Variants in LMO7 observed in about 807,000 individuals in gnomAD.
LMO7 encodes LIM domain only protein 7.
In LMO7, 120 loss-of-function variants were observed where a neutral mutation model predicts 206.5. The observed-to-expected ratio is 0.58, with a 90% CI of 0.50 to 0.68. The LOEUF is 0.68. LMO7 is among the 30% of genes least tolerant of loss of function. LMO7 has a pLI of 0.00. For synonymous variants in LMO7, 706 were observed against 681.5 expected (o/e 1.04, Z -0.56); for missense variants, 1,959 against 1,957.9 (o/e 1.00, Z -0.01).
At chr13:75,705,037 A>C (rs1421230968) in intron 1 of LMO7, among the ~76,000 whole-genome samples, 1 of 152,224 alleles carries the variant, frequency 6.6e-6, no homozygotes, top group Admixed American at 6.5e-5. Context: ...CGGAGGCCAC[A>C]GGTGGTAAGA....
At chr13:75,857,805 T>A in intron 30 of LMO7, 116 bp from the exon 31 acceptor site, 1 of 579,212 alleles carries the variant, frequency 1.7e-6, no homozygotes, top group East Asian at 2.9e-5. Context: ...AGTGACAGGT[T>A]ACTCTTTCTA....
intron 19 of LMO7, among the ~76,000 whole-genome samples, chr13:75,837,129 A>G (rs1189886164): frequency 2.0e-5 from 3 of 152,330 alleles, no homozygotes; most frequent in African/African-American, 4.8e-5. Context: ...CTGGGTTTTC[A>G]CAGTGCTTTG....
At chr13:75,780,909 C>A (rs889713917) in intron 4 of LMO7, among the ~76,000 whole-genome samples, 70 of 152,228 alleles carry the variant, frequency 4.6e-4, no homozygotes, top group African/African-American at 1.6e-3. Flanking sequence ...CTCAATTCCT[C>A]CAACTTTATT....
rs554398604 is a variant in LMO7 at position 75,706,354 on chromosome 13, A to T, written c.70-6828A>T. On this transcript the variant is annotated intron_variant, in intron 1 of 30. Coordinates refer to ENST00000377534, the MANE Select transcript of LMO7 (RefSeq NM_001306080.2). ...TTTTTTGGTTTTAAACTCATAAAAA[A>T]TTTTTGTTTTATTTTAGGGGGAGTC... 2.6e-5 allele frequency among the ~76,000 whole-genome samples: 4 copies of T among 152,300 alleles called. No homozygotes were observed. The South Asian group carries it at 8.3e-4, about 32-fold the overall frequency.
Position 75,841,746 on chromosome 13 carries a change from C to A in LMO7, c.3794C>A (p.Ala1265Glu), listed in dbSNP as rs1555345040. 1.9e-6 allele frequency: 3 copies of A among 1,613,948 alleles called. No individual in the cohort carries two copies. The highest frequency in any genetic ancestry group is 1.6e-4 in the Middle Eastern group (1 of 6,062). ...TCTTCAGACAGAGAAGGAACCCGAG[C>A]AGGAGAAGAGGAGAGGAGACAGCCA... ...SKSSDREGTR[A>E]GEEERRQPQE... Residue 1265 changes from alanine to glutamate, a missense_variant, in exon 24 of 31, where the codon GCA becomes GAA. Ala to Glu is a moderately radical substitution (Grantham distance 107). Coordinates refer to ENST00000377534, the MANE Select transcript of LMO7 (RefSeq NM_001306080.2).
At chr13:75,776,650 C>G (rs1202693278) in intron 4 of LMO7, among the ~76,000 whole-genome samples, 1 of 152,100 alleles carries the variant, frequency 6.6e-6, no homozygotes, top group Non-Finnish European at 1.5e-5. Context: ...AAGTTATTAG[C>G]CTTCAACAGC....
At chr13:75,804,691 G>GT in intron 8 of LMO7, 150 bp downstream of exon 8, 1 of 1,131,346 alleles carries the variant, frequency 8.8e-7, no homozygotes. Context: ...TCTATTTTTA[G>GT]TTATACATAT....
rs941358494 is a variant in LMO7 at position 75,849,530 on chromosome 13, T to C, written c.4364+238T>C. Among the ~76,000 whole-genome samples, 7 of 150,582 alleles carry C rather than the reference T, an allele frequency of 4.6e-5. 1 individual carries two copies. In the South Asian group the frequency reaches 1.1e-3, roughly 23 times the overall value. ...TTTTTTACTATGAGGGAACTTTGAC[T>C]CAAGCAGGCAAGACGCTGACAAAAT... On this transcript the variant is annotated intron_variant, in intron 27 of 30. Coordinates refer to ENST00000377534, the MANE Select transcript of LMO7 (RefSeq NM_001306080.2).
intron 4 of LMO7, among the ~76,000 whole-genome samples, chr13:75,790,255 A>T (rs2053082540): frequency 6.6e-6 from 1 of 152,082 alleles, no homozygotes; most frequent in South Asian, 2.1e-4. Context: ...TTTGGCTGAG[A>T]TGGATAATTA....
rs761012824 is a variant in LMO7, at chr13:75,800,791, GAGAGA to G, written c.574_578del (p.Glu192PhefsTer3). On this transcript the variant is annotated frameshift_variant, in exon 7 of 31. Coordinates refer to ENST00000377534, the MANE Select transcript of LMO7 (RefSeq NM_001306080.2). LOFTEE classifies it high-confidence loss of function. ...TTCTTGCTCCTCCAAGGCACCATAA[GAGAGA>G]AGATTCCTTTGAAAGCTTGGACTCT... 8.1e-6 allele frequency: 13 copies of G among 1,614,016 alleles called. No homozygotes were observed. In the East Asian group the frequency reaches 2.7e-4, roughly 33 times the overall value.
chr13:75,847,447 G>T (rs1242680852), intron 26 of LMO7, among the ~76,000 whole-genome samples: 1 of 152,192 alleles, frequency 6.6e-6, no homozygotes, highest in Non-Finnish European at 1.5e-5. Context: ...TGATTATTTG[G>T]ATTGCTTGAA....
chr13:75,651,917 C>A (rs2037606677), intron 1 of LMO7, among the ~76,000 whole-genome samples: 1 of 152,068 alleles, frequency 6.6e-6, no homozygotes, highest in East Asian at 1.9e-4. Context: ...ACTTACTTGT[C>A]ATTGGTTACC....
At chr13:75,739,286 A>G (rs1427821631) in intron 3 of LMO7, among the ~76,000 whole-genome samples, 1 of 152,256 alleles carries the variant, frequency 6.6e-6, no homozygotes, top group Non-Finnish European at 1.5e-5. Flanking sequence ...TGTCTGTGTC[A>G]GTGGGCTCAG....
intron 1 of LMO7, among the ~76,000 whole-genome samples, chr13:75,638,303 A>G (rs1228625480): frequency 6.6e-6 from 1 of 152,088 alleles, no homozygotes; most frequent in African/African-American, 2.4e-5. Flanking sequence ...GAAAACGATG[A>G]ATTCCTTTTT....
chr13:75,837,863 T>C (rs1413009961), intron 19 of LMO7, among the ~76,000 whole-genome samples: 1 of 152,206 alleles, frequency 6.6e-6, no homozygotes, highest in Non-Finnish European at 1.5e-5. Context: ...GCATGGAAGA[T>C]GATACTTTGG....
intron 1 of LMO7, among the ~76,000 whole-genome samples, chr13:75,646,791 A>G: frequency 6.6e-6 from 1 of 151,642 alleles, no homozygotes; most frequent in Non-Finnish European, 1.5e-5. Context: ...TTTCATGTTG[A>G]TCAGGCTGGT....
At chr13:75,709,279 G>C (rs2042893983) in intron 1 of LMO7, among the ~76,000 whole-genome samples, 1 of 152,176 alleles carries the variant, frequency 6.6e-6, no homozygotes, top group African/African-American at 2.4e-5. Context: ...TGTCTTTATA[G>C]CAGCATGATT....
intron 2 of LMO7, among the ~76,000 whole-genome samples, chr13:75,717,316 T>G (rs1343461596): frequency 7.1e-6 from 1 of 141,188 alleles, no homozygotes; most frequent in Non-Finnish European, 1.5e-5. Context: ...TGAGTGGAGA[T>G]GGTACCACTG....
intron 2 of LMO7, among the ~76,000 whole-genome samples, chr13:75,714,423 C>T (rs1444046879): frequency 1.3e-5 from 2 of 152,116 alleles, no homozygotes; most frequent in Non-Finnish European, 2.9e-5. Flanking sequence ...AAATAACAGT[C>T]TATCTTGTCA....
Sources: gnomAD v4.1 joint callset for allele counts (sites outside exome capture counted in the v4.1 genomes callset) on GRCh38, gnomAD v4.1.1 for gene constraint, MANE v1.5 for transcripts, NCBI Gene and HGNC (gene_info 2026-07-23, HGNC 2026-07-21) for gene names.